Variants in MOB3A observed in about 807,000 individuals in gnomAD.
The protein encoded by MOB3A is MOB kinase activator 3A.
In MOB3A, 17 loss-of-function variants were observed where a neutral mutation model predicts 17.8. The ratio of observed to expected loss-of-function variants is 0.95; its 90% CI spans 0.65 to 1.43. MOB3A has a LOEUF of 1.43. Among genes scored for constraint, MOB3A ranks in the 40% most tolerant of loss-of-function variants. The pLI, the probability that MOB3A is intolerant of heterozygous loss-of-function variation, is 0.00. For synonymous variants in MOB3A, 124 were observed against 133.2 expected, an observed-to-expected ratio of 0.93 and a Z score of 0.48; for missense variants, 333 against 310.8, an observed-to-expected ratio of 1.07 and a Z score of -0.54.
chr19:2,075,663 C>T (rs936549282), intron 4 of MOB3A, among the ~76,000 whole-genome samples: 4 of 152,150 alleles, frequency 2.6e-5, no homozygotes, highest in South Asian at 2.1e-4. Flanking sequence ...TCCCCATCAC[C>T]GAGACACAAT....
At chr19:2,096,071 C>T (rs576633033) in intron 1 of MOB3A, among the ~76,000 whole-genome samples, 155 bp downstream of exon 1, 3 of 151,818 alleles carry the variant, frequency 2.0e-5, no homozygotes, top group African/African-American at 7.3e-5. Context: ...TCGGCCTCCC[C>T]GTAGCCTAAG....
At position 2,076,883 on chromosome 19, in the gene MOB3A, G is replaced by GT. The variant is rs764661801; in HGVS notation, c.551dup (p.Asn184LysfsTer68). On this transcript the variant is annotated frameshift_variant, in exon 4 of 5. Coordinates refer to ENST00000357066, the MANE Select transcript of MOB3A (RefSeq NM_130807.3). LOFTEE classifies it high-confidence loss of function. ...AATAGTAGAAGTGCTTGTAGCAGGT[G>GT]TTCACGTGGGCCTCGGAGCCCATCT... 5 of 1,614,006 alleles carry GT rather than the reference G, an allele frequency of 3.1e-6. No homozygotes were observed. The highest frequency in any genetic ancestry group is 4.2e-6 in the Non-Finnish European group (5 of 1,180,056).
intron 1 of MOB3A, among the ~76,000 whole-genome samples, chr19:2,086,489 AGCTG>A (rs2017555598): frequency 6.6e-6 from 1 of 151,126 alleles, no homozygotes; most frequent in Non-Finnish European, 1.5e-5. Context: ...CCTCCTGTAT[AGCTG>A]GGATTACAGA....
rs560485012 is a variant in MOB3A, at chr19:2,073,361, C to T, written c.*34G>A. ...CTCCTCCAAGTCTCCGAGGCCCCAG[C>T]GGCGGTTCGGGCACCGGGAGACCCG... On this transcript the variant is annotated 3_prime_UTR_variant, in exon 5 of 5. Transcript: ENST00000357066. 27 of 1,612,192 alleles carry T rather than the reference C, an allele frequency of 1.7e-5. No homozygotes were observed. The highest frequency in any genetic ancestry group is 4.5e-5 in the East Asian group (2 of 44,860).
At chr19:2,076,094 G>A (rs1160827181) in intron 4 of MOB3A, among the ~76,000 whole-genome samples, 1 of 139,564 alleles carries the variant, frequency 7.2e-6, no homozygotes, top group Non-Finnish European at 1.5e-5. Flanking sequence ...CTGCACTCCA[G>A]CCTGGGTGAG....
At chr19:2,076,684 C>T in intron 4 of MOB3A, 127 bp downstream of exon 4, 1 of 944,426 alleles carries the variant, frequency 1.1e-6, no homozygotes, top group South Asian at 1.6e-5. Context: ...CGGGGCCCAA[C>T]TCCAGCCGGG....
chr19:2,079,008 C>T (rs2017453290), intron 2 of MOB3A, among the ~76,000 whole-genome samples: 1 of 152,214 alleles, frequency 6.6e-6, no homozygotes, highest in Non-Finnish European at 1.5e-5. Context: ...GATCCTCTCA[C>T]CTCTGCCTCC....
chr19:2,094,158 T>C (rs1464462092), intron 1 of MOB3A, among the ~76,000 whole-genome samples: 2 of 151,850 alleles, frequency 1.3e-5, no homozygotes, highest in African/African-American at 4.8e-5. Flanking sequence ...GCCATTCTCT[T>C]GCCTCAGCCT....
intron 1 of MOB3A, among the ~76,000 whole-genome samples, chr19:2,092,991 T>C (rs1197136005): frequency 6.6e-6 from 1 of 151,962 alleles, no homozygotes; most frequent in Non-Finnish European, 1.5e-5. Context: ...CTTTTCGGCT[T>C]AAGCCATTTG....
At position 2,075,983 on chromosome 19, in the gene MOB3A, T is replaced by C. The variant is rs145470347; in HGVS notation, c.624+828A>G. On this transcript the variant is annotated intron_variant, in intron 4 of 4. Transcript: ENST00000357066. ...ACTAAAAATACAAAAATTAGCGGGG[T>C]GTGGTGGCACGTGCCTGTAATCCCA... Among the ~76,000 whole-genome samples the C allele has an allele frequency of 7.8e-3, 1,178 of 150,844 alleles. 22 individuals are homozygous for C. The highest frequency in any genetic ancestry group is 0.027 in the African/African-American group (1,093 of 41,066).
At position 2,093,218 on chromosome 19, in the gene MOB3A, C is replaced by T. The variant is rs544073511; in HGVS notation, c.-274+3008G>A. Among the ~76,000 whole-genome samples the T allele has an allele frequency of 4.0e-4, 60 of 151,770 alleles. No homozygotes were observed. The highest frequency in any genetic ancestry group is 7.2e-4 in the Admixed American group (11 of 15,258). ...TGTTGCCCAGGCTGGAGTGCAGTGG[C>T]GTGATCTTGGCTCACTGCAAGCTCC... On this transcript the variant is annotated intron_variant, in intron 1 of 4. Coordinates refer to ENST00000357066, the MANE Select transcript of MOB3A (RefSeq NM_130807.3). This position sits in a 1 kb window ranked among gnomAD's most constrained non-coding sequence, Gnocchi z 4.6.
In MOB3A at chr19:2,093,307, G is replaced by T. The variant is rs1265809990; in HGVS notation, c.-274+2919C>A. Among the ~76,000 whole-genome samples, 1 of 152,064 alleles carries T rather than the reference G, an allele frequency of 6.6e-6. No homozygotes were observed. Among genetic ancestry groups the T allele is most frequent in the African/African-American group, 2.4e-5 (1 of 41,424 alleles). On this transcript the variant is annotated intron_variant, in intron 1 of 4. Coordinates refer to ENST00000357066, the MANE Select transcript of MOB3A (RefSeq NM_130807.3). This position sits in a 1 kb window ranked among gnomAD's most constrained non-coding sequence, Gnocchi z 4.6. ...TGAGTAGCTGGGACTACAGGCACGC[G>T]CCAGCATGCCCGGGTAAATTTTGTA...
intron 3 of MOB3A, 61 bp downstream of exon 3, chr19:2,078,079 C>A: frequency 6.8e-7 from 1 of 1,469,182 alleles, no homozygotes; most frequent in South Asian, 1.4e-5. Flanking sequence ...CCACTGTGCT[C>A]GGCCTCCCTG....
chr19:2,096,352 G>T (rs2017697259), upstream of MOB3A: 1 of 154,970 alleles, frequency 6.5e-6, no homozygotes, highest in African/African-American at 2.4e-5. Context: ...CCACACGCAT[G>T]CCCGACCGCA....
In MOB3A at chr19:2,073,231, C is replaced by A. The variant is rs1324474640; in HGVS notation, c.*164G>T. 2.2e-5 allele frequency: 17 copies of A among 765,502 alleles called. No individual in the cohort carries two copies. Among genetic ancestry groups the A allele is most frequent in the Non-Finnish European group, 3.3e-5 (15 of 455,976 alleles). 47.4% of individuals were successfully genotyped at this position (765,502 alleles called of 1,614,324 possible). A position where few individuals can be genotyped will look rare whatever the true frequency, so the allele number is the denominator to read the frequency against. On this transcript the variant is annotated 3_prime_UTR_variant, in exon 5 of 5. Coordinates refer to ENST00000357066, the MANE Select transcript of MOB3A (RefSeq NM_130807.3). ...CGAGACTGAGGAAGGCATCTGCCGTCCGGGGTTGGAGCTCCTGAGGACCAA... is the reference window on the plus strand; with the variant it reads ...CGAGACTGAGGAAGGCATCTGCCGTACGGGGTTGGAGCTCCTGAGGACCAA...
chr19:2,077,088 A>T, intron 3 of MOB3A, 75 bp from the exon 4 acceptor site: 1 of 1,329,468 alleles, frequency 7.5e-7, no homozygotes, highest in Non-Finnish European at 1.1e-6. Flanking sequence ...CCTGGATGTG[A>T]CAAGGGGCTT....
chr19:2,076,571 G>C (rs1369235533), intron 4 of MOB3A, among the ~76,000 whole-genome samples: 2 of 152,230 alleles, frequency 1.3e-5, no homozygotes, highest in Non-Finnish European at 2.9e-5. Context: ...AGCTGGACGC[G>C]GGGCGGCGCG....
chr19:2,077,107 A>C, intron 3 of MOB3A, 94 bp from the exon 4 acceptor site: 1 of 1,180,916 alleles, frequency 8.5e-7, no homozygotes, highest in East Asian at 2.6e-5. Flanking sequence ...TTCCAGACAG[A>C]AATTGCTGGC....
rs2017496719 is a variant in MOB3A, at chr19:2,082,035, G to T, written c.-120+3140C>A. ...ACTGCTCAGGGCAGCCTGGGCACAG[G>T]TGGCAGGAGGACTTGAGTCCCACCC... On this transcript the variant is annotated intron_variant, in intron 2 of 4. Coordinates refer to ENST00000357066, the MANE Select transcript of MOB3A (RefSeq NM_130807.3). The surrounding 1 kb of genome is among the most constrained non-coding windows in gnomAD (Gnocchi z 4.1). 6.6e-6 allele frequency among the ~76,000 whole-genome samples: 1 copy of T among 152,196 alleles called. No individual in the cohort carries two copies. The highest frequency in any genetic ancestry group is 1.5e-5 in the Non-Finnish European group (1 of 68,038).
Sources: gnomAD v4.1 joint callset for allele counts (sites outside exome capture counted in the v4.1 genomes callset) on GRCh38, gnomAD v4.1.1 for gene constraint, Gnocchi (gnomAD v3.1) non-coding constraint, MANE v1.5 for transcripts, NCBI Gene and HGNC (gene_info 2026-07-23, HGNC 2026-07-21) for gene names.